ABT1: variants seen among roughly 807,000 people sequenced by gnomAD.
ABT1 encodes TATA-binding protein-binding protein.
ABT1 carries 13 observed loss-of-function variants against 14.0 expected under a neutral mutation model. That is an observed-to-expected ratio of 0.93 (90% CI 0.61 to 1.48). The LOEUF (loss-of-function observed/expected upper bound fraction) is 1.48. ABT1 is among the 40% of genes most tolerant of loss of function. The probability of loss-of-function intolerance (pLI) is 0.00; values close to 1 mark genes in which losing one functional copy is unlikely to be tolerated. For missense variants in ABT1, 430 were observed against 380.0 expected (o/e 1.13, Z -1.09); for synonymous variants, 165 against 144.6 (o/e 1.14, Z -1.01).
rs556582007 is a variant in ABT1, at chr6:26,600,078, A to G, written c.*1433A>G. The G allele has an allele frequency of 6.6e-6, 1 of 152,386 alleles. No individual in the cohort carries two copies. Among genetic ancestry groups the G allele is most frequent in the South Asian group, 2.1e-4 (1 of 4,834 alleles). 9.4% of individuals were successfully genotyped at this position (152,386 alleles called of 1,614,324 possible). On this transcript the variant is annotated 3_prime_UTR_variant, in exon 3 of 3. Transcript: ENST00000274849. ...TGGTATAACATTTCTCACAACCCAC[A>G]TACCTCTTATACTTGGCACACAAAC...
In ABT1 at chr6:26,598,580, A is replaced by G; in HGVS notation, c.754A>G (p.Arg252Gly). The change falls in exon 3 of 3, where the codon AGG becomes GGG. Residue 252 changes from arginine to glycine, a missense_variant. Arg to Gly is a moderately radical substitution (Grantham distance 125). Coordinates refer to ENST00000274849, the MANE Select transcript of ABT1 (RefSeq NM_013375.4). ...KARSNKGLLA[R>G]IFGAPPPSES... The stretch of plus-strand genomic sequence containing the variant: ...CCGCTCCAACAAAGGGCTCCTGGCC[A>G]GGATCTTTGGAGCCCCGCCACCCTC... 8 of 1,602,618 alleles carry G rather than the reference A, an allele frequency of 5.0e-6. No individual in the cohort carries two copies. The highest frequency in any genetic ancestry group is 6.8e-6 in the Non-Finnish European group (8 of 1,171,392).
rs1325419604 is a variant in ABT1, at chr6:26,597,096, C to T, written c.114C>T (p.Gly38=). Residue 38 remains glycine (G), a synonymous_variant, in exon 1 of 3, where the codon GGC becomes GGT. Transcript: ENST00000274849. ...AGGAATCCGAAGAAGCGGCCTGTGG[C>T]AGCAAGAAACGGGTAGTGCCAGGTA... ...EQEESEEAAC[G]SKKRVVPGIV... is the part of the protein sequence containing the mutation. 1 of 1,614,034 alleles carries T rather than the reference C, an allele frequency of 6.2e-7. No individual in the cohort carries two copies. The highest frequency in any genetic ancestry group is 8.5e-7 in the Non-Finnish European group (1 of 1,179,958).
At position 26,597,189 on chromosome 6, in the gene ABT1, T is replaced by C. The variant is rs1554144580; in HGVS notation, c.207T>C (p.Tyr69=). 5.6e-6 allele frequency: 9 copies of C among 1,614,142 alleles called. No individual in the cohort carries two copies. Among genetic ancestry groups the C allele is most frequent in the South Asian group, 3.3e-5 (3 of 91,092 alleles). Residue 69 remains tyrosine (Y), a synonymous_variant, in exon 1 of 3, where the codon TAT becomes TAC. Transcript: ENST00000274849. Reference sequence around the variant, plus strand: ...ACGTCCGCAACCTTCTCAGCGCCTATGGCGAGGTCGGACGCGTCTTCTTTC... The same window carrying C: ...ACGTCCGCAACCTTCTCAGCGCCTACGGCGAGGTCGGACGCGTCTTCTTTC... ...PLHVRNLLSA[Y]GEVGRVFFQA... is the part of the protein sequence containing the mutation.
At chr6:26,598,232 C>A in intron 2 of ABT1, 33 bp from the exon 3 acceptor site, 1 of 1,594,990 alleles carries the variant, frequency 6.3e-7, no homozygotes, top group Non-Finnish European at 8.6e-7. Context: ...CTAATCTGCA[C>A]TATCCTGATC....
chr6:26,598,807 C>T lies in ABT1; in HGVS notation c.*162C>T. 1.2e-6 allele frequency: 1 copy of T among 858,540 alleles called. No individual in the cohort carries two copies. Among genetic ancestry groups the T allele is most frequent in the Non-Finnish European group, 1.7e-6 (1 of 588,306 alleles). The allele number at this position is 858,540 out of a possible 1,614,324, so 53.2% of individuals were successfully genotyped here. ...GTTTTGTGGGCTTCCACTGTCCCCA[C>T]TCCGAACTCCTGTATGTGCCTGGCT... On this transcript the variant is annotated 3_prime_UTR_variant, in exon 3 of 3. Coordinates refer to ENST00000274849, the MANE Select transcript of ABT1 (RefSeq NM_013375.4).
chr6:26,596,996 A>T lies in ABT1; in HGVS notation c.14A>T (p.Glu5Val). Reference sequence around the variant, plus strand: ...GTGTCAGTCAACATGGAGGCAGAGGAATCGGAGAAGGCCGCAACGGAGCAA... The same window carrying T: ...GTGTCAGTCAACATGGAGGCAGAGGTATCGGAGAAGGCCGCAACGGAGCAA... Reference protein sequence around the residue: MEAEESEKAATEQEP... With the variant: MEAEVSEKAATEQEP... Residue 5 changes from glutamate to valine, a missense_variant, in exon 1 of 3, where the codon GAA becomes GTA. Coordinates refer to ENST00000274849, the MANE Select transcript of ABT1 (RefSeq NM_013375.4). 5.6e-6 allele frequency: 9 copies of T among 1,611,706 alleles called. No homozygotes were observed. Among genetic ancestry groups the T allele is most frequent in the Non-Finnish European group, 7.6e-6 (9 of 1,179,284 alleles).
In ABT1 at chr6:26,598,873, CTA is replaced by C. The variant is rs1263335807; in HGVS notation, c.*230_*231del. 30 of 480,178 alleles carry C rather than the reference CTA, an allele frequency of 6.2e-5. 1 individual carries two copies. Among genetic ancestry groups the C allele is most frequent in the African/African-American group, 5.2e-4 (27 of 51,696 alleles). The allele number at this position is 480,178 out of a possible 1,614,324, so 29.7% of individuals were successfully genotyped here. ...TACTGTCATACTAGCATAATTATGA[CTA>C]TTGCATATGCTTGTTTTGTTTGACT... On this transcript the variant is annotated 3_prime_UTR_variant, in exon 3 of 3. Transcript: ENST00000274849.
intron 2 of ABT1, 62 bp from the exon 3 acceptor site, chr6:26,598,203 C>T: frequency 6.3e-7 from 1 of 1,575,660 alleles, no homozygotes; most frequent in South Asian, 1.2e-5. Context: ...GGCCTTGTCC[C>T]CTTGTCTCAT....
At position 26,598,284 on chromosome 6, in the gene ABT1, G is replaced by C. The variant is rs1554144772; in HGVS notation, c.458G>C (p.Trp153Ser). ...CCACAGTACTTGCACCGTTTCACCT[G>C]GTCCCACCTCAGCGAGCACCTCGCC... is the stretch of plus-strand genomic sequence containing the variant. ...WNLKYLHRFT[W>S]SHLSEHLAFE... The change falls in exon 3 of 3, where the codon TGG (tryptophan) becomes TCG (serine). Residue 153 changes from tryptophan to serine, a missense_variant. Transcript: ENST00000274849. 4 of 1,613,750 alleles carry C rather than the reference G, an allele frequency of 2.5e-6. No individual in the cohort carries two copies. The South Asian group carries it at 3.3e-5, about 13-fold the overall frequency.
At position 26,599,810 on chromosome 6, in the gene ABT1, A is replaced by G. The variant is rs1554144925; in HGVS notation, c.*1165A>G. 6.6e-6 allele frequency: 1 copy of G among 152,232 alleles called. No homozygotes were observed. Among genetic ancestry groups the G allele is most frequent in the African/African-American group, 2.4e-5 (1 of 41,458 alleles). 9.4% of individuals were successfully genotyped at this position (152,232 alleles called of 1,614,324 possible). ...ACCTAGGTGTCACAATAAACAGTCT[A>G]CACAGTCTCACGTAGACCAAAATTC... On this transcript the variant is annotated 3_prime_UTR_variant, in exon 3 of 3. Transcript: ENST00000274849.
At position 26,598,391 on chromosome 6, in the gene ABT1, G is replaced by A. The variant is rs1554144787; in HGVS notation, c.565G>A (p.Val189Met). Reference sequence around the variant, plus strand: ...TGAGACCGACTTCTATCTTCAAAGTGTGGAACGGGGACAACGCTTTCTTGC... The same window carrying A: ...TGAGACCGACTTCTATCTTCAAAGTATGGAACGGGGACAACGCTTTCTTGC... ...KRETDFYLQS[V>M]ERGQRFLAAD... Residue 189 changes from valine to methionine, a missense_variant, in exon 3 of 3, where the codon GTG becomes ATG. Transcript: ENST00000274849. 3 of 1,614,270 alleles carry A rather than the reference G, an allele frequency of 1.9e-6. No individual in the cohort carries two copies. Among genetic ancestry groups the A allele is most frequent in the Non-Finnish European group, 8.5e-7 (1 of 1,180,040 alleles).
chr6:26,597,991 G>T lies in ABT1; in HGVS notation c.319G>T (p.Glu107Ter). ...KKRSYTKDYTEGWVEFRDKRI... is the reference protein window; with the variant it reads ...KKRSYTKDYT ...GCGGTCCTACACCAAGGACTACACC[G>T]AGGGATGGGTGGAGTTCCGTGACAA... The change falls in exon 2 of 3, where the codon GAG (glutamate) becomes TAG (stop). Residue 107 changes from glutamate to a stop codon, truncating the protein, a stop_gained. Coordinates refer to ENST00000274849, the MANE Select transcript of ABT1 (RefSeq NM_013375.4). LOFTEE classifies it high-confidence loss of function. 7 of 1,614,238 alleles carry T rather than the reference G, an allele frequency of 4.3e-6. No individual in the cohort carries two copies. Among genetic ancestry groups the T allele is most frequent in the Non-Finnish European group, 5.9e-6 (7 of 1,180,042 alleles).
rs546449352 is a variant in ABT1 at position 26,598,999 on chromosome 6, A to C, written c.*354A>C. 5.0e-6 allele frequency: 1 copy of C among 199,006 alleles called. No homozygotes were observed. The highest frequency in any genetic ancestry group is 5.6e-5 in the Admixed American group (1 of 17,872). 12.3% of individuals were successfully genotyped at this position (199,006 alleles called of 1,614,324 possible). A position where few individuals can be genotyped will look rare whatever the true frequency, so the allele number is the denominator to read the frequency against. On this transcript the variant is annotated 3_prime_UTR_variant, in exon 3 of 3. Coordinates refer to ENST00000274849, the MANE Select transcript of ABT1 (RefSeq NM_013375.4). The stretch of plus-strand genomic sequence containing the variant: ...TAGGAGGATAATGCCTAGTCCAGGC[A>C]ATCTTTCTCTGTTTAGCAGTCACAG...
At position 26,597,173 on chromosome 6, in the gene ABT1, A is replaced by G. The variant is rs1316394756; in HGVS notation, c.191A>G (p.Asn64Ser). The change falls in exon 1 of 3, where the codon AAC becomes AGC. Residue 64 changes from asparagine (N) to serine (S), a missense_variant. Coordinates refer to ENST00000274849, the MANE Select transcript of ABT1 (RefSeq NM_013375.4). ...PPRFRPLHVR[N>S]LLSAYGEVGR... ...CGCTTCCGGCCCCTGCACGTCCGCA[A>G]CCTTCTCAGCGCCTATGGCGAGGTC... is the stretch of plus-strand genomic sequence containing the variant. The G allele has an allele frequency of 8.7e-6, 14 of 1,614,230 alleles. No individual in the cohort carries two copies. The highest frequency in any genetic ancestry group is 1.1e-5 in the Non-Finnish European group (13 of 1,180,050).
rs1480687677 is a variant in ABT1, at chr6:26,597,082, G to A, written c.100G>A (p.Glu34Lys). ...DAEEEQEESE[E>K]AACGSKKRVV... ...GGAGGAGGAGCAGGAGGAATCCGAA[G>A]AAGCGGCCTGTGGCAGCAAGAAACG... Residue 34 changes from glutamate to lysine, a missense_variant, in exon 1 of 3, where the codon GAA becomes AAA. Coordinates refer to ENST00000274849, the MANE Select transcript of ABT1 (RefSeq NM_013375.4). 2.5e-6 allele frequency: 4 copies of A among 1,614,128 alleles called. No individual in the cohort carries two copies. The highest frequency in any genetic ancestry group is 2.2e-5 in the South Asian group (2 of 91,072).
Position 26,597,085 on chromosome 6 carries a change from G to A in ABT1, c.103G>A (p.Ala35Thr). 1.2e-6 allele frequency: 2 copies of A among 1,614,102 alleles called. No homozygotes were observed. The highest frequency in any genetic ancestry group is 1.1e-5 in the South Asian group (1 of 91,074). ...AEEEQEESEE[A>T]ACGSKKRVVP... Reference sequence around the variant, plus strand: ...GGAGGAGCAGGAGGAATCCGAAGAAGCGGCCTGTGGCAGCAAGAAACGGGT... The same window carrying A: ...GGAGGAGCAGGAGGAATCCGAAGAAACGGCCTGTGGCAGCAAGAAACGGGT... The change falls in exon 1 of 3, where the codon GCG (alanine) becomes ACG (threonine). Residue 35 changes from alanine (A) to threonine (T), a missense_variant. Coordinates refer to ENST00000274849, the MANE Select transcript of ABT1 (RefSeq NM_013375.4).
intron 2 of ABT1, 28 bp from the exon 3 acceptor site, chr6:26,598,237 C>T (rs181710545): frequency 1.2e-4 from 194 of 1,600,816 alleles, no homozygotes; most frequent in Non-Finnish European, 1.6e-4. Context: ...CTGCACTATC[C>T]TGATCTTTTC....
intron 1 of ABT1, among the ~76,000 whole-genome samples, 193 bp downstream of exon 1, chr6:26,597,416 A>T (rs547209880): frequency 1.1e-4 from 17 of 150,746 alleles, no homozygotes; most frequent in African/African-American, 3.9e-4. Flanking sequence ...GGCGGAGGGG[A>T]TATGGGGAGA....
At chr6:26,597,490 C>A (rs1031655759) in intron 1 of ABT1, among the ~76,000 whole-genome samples, 1 of 152,230 alleles carries the variant, frequency 6.6e-6, no homozygotes, top group East Asian at 1.9e-4. Flanking sequence ...GTGTTCTTAT[C>A]CCGGCTCTGT....
Sources: allele counts gnomAD v4.1 joint callset (sites outside exome capture counted in the v4.1 genomes callset), GRCh38; gene constraint gnomAD v4.1.1; transcripts MANE v1.5; gene names NCBI Gene and HGNC (gene_info 2026-07-23, HGNC 2026-07-21).